VSTM4: variants seen among roughly 807,000 people sequenced by gnomAD.
VSTM4 encodes V-set and transmembrane domain-containing protein 4.
In VSTM4, 20 loss-of-function variants were observed where a neutral mutation model predicts 36.4. The ratio of observed to expected loss-of-function variants is 0.55; its 90% CI spans 0.39 to 0.80. The LOEUF is 0.80. VSTM4 is among the 30% of genes least tolerant of loss of function. VSTM4 has a pLI of 0.00. For missense variants in VSTM4, 392 were observed against 404.5 expected, an observed-to-expected ratio of 0.97 and a Z score of 0.26; for synonymous variants, 182 against 173.9, an observed-to-expected ratio of 1.05 and a Z score of -0.37.
At chr10:49,052,654 G>C (rs1843716498) in intron 5 of VSTM4, among the ~76,000 whole-genome samples, 1 of 151,590 alleles carries the variant, frequency 6.6e-6, no homozygotes, top group Non-Finnish European at 1.5e-5. Context: ...TTCTTCTTTT[G>C]CCTCAAAACT....
intron 7 of VSTM4, among the ~76,000 whole-genome samples, chr10:49,038,192 A>G (rs1228564895): frequency 6.6e-6 from 1 of 152,260 alleles, no homozygotes; most frequent in African/African-American, 2.4e-5. Context: ...CAACAGCCAA[A>G]AGATGGAAGC....
At chr10:49,103,748 A>T in intron 2 of VSTM4, 1 of 1,613,666 alleles carries the variant, frequency 6.2e-7, no homozygotes, top group Non-Finnish European at 8.5e-7. Context: ...CACATCAAGA[A>T]CTCTGCAGGA....
In VSTM4 at chr10:49,077,913, T is replaced by G. The variant is rs1437988014; in HGVS notation, c.527-587A>C. On this transcript the variant is annotated intron_variant, in intron 3 of 7. Coordinates refer to ENST00000332853, the MANE Select transcript of VSTM4 (RefSeq NM_001031746.5). ...GGAGAAAATATTTGTAAACCACATA[T>G]CCAACAAAGGACTACTATCCAGACT... Among the ~76,000 whole-genome samples the G allele has an allele frequency of 2.0e-5, 3 of 150,874 alleles. No individual in the cohort carries two copies. The East Asian group carries it at 5.8e-4, about 29-fold the overall frequency.
At chr10:49,083,694 T>C (rs778298945) in intron 3 of VSTM4, among the ~76,000 whole-genome samples, 1 of 152,222 alleles carries the variant, frequency 6.6e-6, no homozygotes, top group Non-Finnish European at 1.5e-5. Context: ...CCTGACATTC[T>C]ATAGCTGCAC....
chr10:49,059,755 T>A (rs1483989890), intron 5 of VSTM4, among the ~76,000 whole-genome samples: 30 of 152,216 alleles, frequency 2.0e-4, no homozygotes, highest in Admixed American at 2.0e-3. Context: ...CCATAAAATG[T>A]ACTGATCACA....
chr10:49,021,463 A>G (rs779011093), intron 7 of VSTM4, among the ~76,000 whole-genome samples: 2 of 152,208 alleles, frequency 1.3e-5, no homozygotes, highest in Non-Finnish European at 2.9e-5. Context: ...TGAAAAAATG[A>G]GGAAGATATT....
chr10:49,020,772 G>GGAGAGAGGGAGA, intron 7 of VSTM4, among the ~76,000 whole-genome samples: 1 of 148,006 alleles, frequency 6.8e-6, no homozygotes, highest in African/African-American at 2.5e-5. Context: ...AGGGAGGGAG[G>GGAGAGAGGGAGA]CAGGGAGGGA....
At chr10:49,048,637 G>T in intron 5 of VSTM4, 53 bp from the exon 6 acceptor site, 2 of 1,449,304 alleles carry the variant, frequency 1.4e-6, no homozygotes, top group Middle Eastern at 2.5e-4. Context: ...TTGCAAAAGA[G>T]AAAGGAAAAA....
At chr10:49,039,588 C>T (rs971133447) in intron 7 of VSTM4, among the ~76,000 whole-genome samples, 2 of 152,038 alleles carry the variant, frequency 1.3e-5, no homozygotes, top group African/African-American at 4.8e-5. Flanking sequence ...GGCCTGACCC[C>T]CTCAGCTACC....
At chr10:49,067,481 A>G (rs1433396502) in intron 4 of VSTM4, among the ~76,000 whole-genome samples, 1 of 152,224 alleles carries the variant, frequency 6.6e-6, no homozygotes, top group Non-Finnish European at 1.5e-5. Context: ...GTCTTTAAAG[A>G]GGTAATTAAG....
intron 4 of VSTM4, among the ~76,000 whole-genome samples, chr10:49,073,976 G>A (rs1844128801): frequency 6.6e-6 from 1 of 152,154 alleles, no homozygotes; most frequent in Admixed American, 6.5e-5. Flanking sequence ...CCTACCAACA[G>A]TTGGGATGTT....
chr10:49,101,207 A>C (rs1844659637), intron 2 of VSTM4, among the ~76,000 whole-genome samples: 1 of 152,282 alleles, frequency 6.6e-6, no homozygotes. Context: ...ACTAGAAAAG[A>C]ATGCCACAAA....
intron 7 of VSTM4, among the ~76,000 whole-genome samples, chr10:49,021,193 C>G (rs1472073339): frequency 6.7e-6 from 1 of 149,438 alleles, no homozygotes; most frequent in African/African-American, 2.5e-5. Flanking sequence ...AATACTTGGA[C>G]AGCCATTTGA....
At chr10:49,080,850 G>A (rs1367326087) in intron 3 of VSTM4, among the ~76,000 whole-genome samples, 1 of 152,266 alleles carries the variant, frequency 6.6e-6, no homozygotes, top group Admixed American at 6.5e-5. Context: ...TCCAGAAGCT[G>A]ATGGAATGTG....
chr10:49,078,412 ATAGT>A (rs1470343157), intron 3 of VSTM4, among the ~76,000 whole-genome samples: 1 of 152,240 alleles, frequency 6.6e-6, no homozygotes, highest in Non-Finnish European at 1.5e-5. Flanking sequence ...CAGCAAGTGA[ATAGT>A]TAAACAAAGT....
Position 49,085,943 on chromosome 10 carries a change from T to C in VSTM4, c.526+12A>G, listed in dbSNP as rs1218016822. ...TATAGAGCAATAAAAAAAAGAAATA[T>C]ACAAGCTTTACCTTCAAAAAATGCC... On this transcript the variant is annotated intron_variant, in intron 3 of 7. Coordinates refer to ENST00000332853, the MANE Select transcript of VSTM4 (RefSeq NM_001031746.5). The C allele has an allele frequency of 6.5e-7, 1 of 1,544,684 alleles. No individual in the cohort carries two copies. Among genetic ancestry groups the C allele is most frequent in the Non-Finnish European group, 8.8e-7 (1 of 1,139,992 alleles).
intron 5 of VSTM4, among the ~76,000 whole-genome samples, chr10:49,055,633 T>C (rs1319643156): frequency 6.6e-6 from 1 of 152,250 alleles, no homozygotes; most frequent in Non-Finnish European, 1.5e-5. Flanking sequence ...CTTAGGCTTT[T>C]TGAACTTGCT....
chr10:49,051,085 G>T (rs761514695), intron 5 of VSTM4, among the ~76,000 whole-genome samples: 1 of 152,118 alleles, frequency 6.6e-6, no homozygotes, highest in African/African-American at 2.4e-5. Context: ...TCACCTTAGG[G>T]TTCACTCTTG....
At chr10:49,093,515 T>C (rs1844515613) in intron 2 of VSTM4, among the ~76,000 whole-genome samples, 1 of 152,168 alleles carries the variant, frequency 6.6e-6, no homozygotes. Context: ...GGACGTGTCT[T>C]CCCAAGGAGT....
Sources: allele counts gnomAD v4.1 joint callset (sites outside exome capture counted in the v4.1 genomes callset), GRCh38; gene constraint gnomAD v4.1.1; transcripts MANE v1.5; gene names NCBI Gene and HGNC (gene_info 2026-07-23, HGNC 2026-07-21).